Variants in MAP7D2 observed in about 807,000 individuals in gnomAD.
MAP7D2 encodes the protein MAP7 domain-containing protein 2.
In MAP7D2, 33 loss-of-function variants were observed where a neutral mutation model predicts 63.5. The ratio of observed to expected loss-of-function variants is 0.52; its 90% confidence interval spans 0.39 to 0.70. The LOEUF (loss-of-function observed/expected upper bound fraction) is 0.70. Among genes scored for constraint, MAP7D2 ranks in the 30% least tolerant of loss-of-function variants. MAP7D2 has a pLI of 0.00. For missense variants in MAP7D2, 626 were observed against 604.0 expected, an observed-to-expected ratio of 1.04 and a Z score of -0.38; for synonymous variants, 224 against 223.7, an observed-to-expected ratio of 1.00 and a Z score of -0.01.
intron 14 of MAP7D2, among the ~76,000 whole-genome samples, 180 bp downstream of exon 14, chrX:20,012,874 T>G (rs764606455): frequency 8.0e-5 from 9 of 112,337 alleles, no homozygotes; most frequent in Non-Finnish European, 1.7e-4. Flanking sequence ...AGGAACCCAG[T>G]GGGTTCCCAA....
chrX:20,042,402 G>T, intron 8 of MAP7D2, 100 bp downstream of exon 8: 1 of 994,388 alleles, frequency 1.0e-6, no homozygotes, highest in East Asian at 3.1e-5. Flanking sequence ...GGCTGGCCAC[G>T]CCTCACGGGG....
In MAP7D2 at chrX:20,042,653, C is replaced by T. The variant is rs372330876; in HGVS notation, c.880-24G>A. ...ACCTGTAGGGGACACAGGATAGCCA[C>T]AGTCCATGACTGGCACTACTTCCAC... On this transcript the variant is annotated intron_variant, in intron 7 of 16. Coordinates refer to ENST00000379643, the MANE Select transcript of MAP7D2 (RefSeq NM_001168465.2). 1.7e-5 allele frequency: 21 copies of T among 1,206,074 alleles called. No individual in the cohort carries two copies. In the African/African-American group the frequency reaches 3.0e-4, roughly 17 times the overall value.
intron 1 of MAP7D2, among the ~76,000 whole-genome samples, chrX:20,113,751 A>G (rs746891569): frequency 1.8e-5 from 2 of 111,151 alleles, no homozygotes; most frequent in East Asian, 5.6e-4. Flanking sequence ...ATGTTTTGGT[A>G]CAGGCATGCA....
At chrX:20,058,006 T>C (rs1250457005) in intron 3 of MAP7D2, among the ~76,000 whole-genome samples, 2 of 112,773 alleles carry the variant, frequency 1.8e-5, no homozygotes, top group African/African-American at 6.5e-5. Context: ...TTTCTCTGAA[T>C]AGCACTTTGC....
chrX:20,086,603 A>G (rs1056792544), intron 1 of MAP7D2, among the ~76,000 whole-genome samples: 1 of 111,425 alleles, frequency 9.0e-6, no homozygotes, highest in Non-Finnish European at 1.9e-5. Context: ...ACTTGGGGGA[A>G]AAGCCATAAG....
intron 8 of MAP7D2, among the ~76,000 whole-genome samples, chrX:20,039,556 T>A (rs770475517): frequency 3.6e-5 from 4 of 111,610 alleles, no homozygotes; most frequent in African/African-American, 1.3e-4. Flanking sequence ...TAATATTGAG[T>A]TTCAACTGGA....
At chrX:20,068,345 C>T (rs915076751) in intron 1 of MAP7D2, among the ~76,000 whole-genome samples, 10 of 112,241 alleles carry the variant, frequency 8.9e-5, no homozygotes, top group South Asian at 3.7e-4. Context: ...TCTCTCTGCA[C>T]GTCTAGCTGC....
chrX:20,041,810 A>C (rs1440678718), intron 8 of MAP7D2, among the ~76,000 whole-genome samples: 2 of 112,021 alleles, frequency 1.8e-5, no homozygotes, highest in Non-Finnish European at 3.8e-5. Context: ...TGGTGGTCAC[A>C]AAGTTATTGT....
At chrX:20,060,424 GAGAGAGAGAGAA>G (rs2065182747) in intron 3 of MAP7D2, among the ~76,000 whole-genome samples, 2 of 68,735 alleles carry the variant, frequency 2.9e-5, no homozygotes, top group Admixed American at 1.9e-4. Context: ...AAAAGAGAGA[GAGAGAGAGAGAA>G]AGAAAGAAAG....
chrX:20,058,544 T>A (rs2065122451), intron 3 of MAP7D2, among the ~76,000 whole-genome samples: 1 of 111,496 alleles, frequency 9.0e-6, no homozygotes, highest in African/African-American at 3.3e-5. Context: ...AGGGAATGAG[T>A]GCTCACTGAA....
chrX:20,116,318 G>C (rs929397642), intron 1 of MAP7D2, among the ~76,000 whole-genome samples: 4 of 113,057 alleles, frequency 3.5e-5, no homozygotes, highest in Non-Finnish European at 7.5e-5. Context: ...TTCGCCGCGG[G>C]CTGCAGCGGC....
At chrX:20,104,807 C>T (rs2066526419) in intron 1 of MAP7D2, among the ~76,000 whole-genome samples, 1 of 112,059 alleles carries the variant, frequency 8.9e-6, no homozygotes, top group African/African-American at 3.2e-5. Context: ...TCACCCCTGA[C>T]TGGTGATCAA....
At chrX:20,095,784 TAAAAA>T (rs2066241147) in intron 1 of MAP7D2, among the ~76,000 whole-genome samples, 1 of 111,339 alleles carries the variant, frequency 9.0e-6, no homozygotes, top group Non-Finnish European at 1.9e-5. Flanking sequence ...TATTTGGCCT[TAAAAA>T]GAAAAGAAGT....
intron 6 of MAP7D2, among the ~76,000 whole-genome samples, chrX:20,047,309 C>G (rs140706734): frequency 8.9e-6 from 1 of 112,274 alleles, no homozygotes; most frequent in African/African-American, 3.2e-5. Flanking sequence ...ATCTTCAACT[C>G]TTTTTTTCCA....
chrX:20,013,794 A>T (rs1340144241), intron 12 of MAP7D2, among the ~76,000 whole-genome samples, 169 bp from the exon 13 acceptor site: 3 of 112,912 alleles, frequency 2.7e-5, no homozygotes, highest in African/African-American at 9.7e-5. Flanking sequence ...TTGGAGATGT[A>T]CACCTCCGGC....
At chrX:20,042,952 A>G (rs73445256) in intron 7 of MAP7D2, among the ~76,000 whole-genome samples, 1,253 of 112,258 alleles carry the variant, frequency 0.011, 16 homozygotes, top group African/African-American at 0.038. Context: ...CTACAAAAAA[A>G]TTACAGGTGG....
At chrX:20,112,109 G>A (rs932748196) in intron 1 of MAP7D2, among the ~76,000 whole-genome samples, 1 of 111,998 alleles carries the variant, frequency 8.9e-6, no homozygotes, top group African/African-American at 3.2e-5. Flanking sequence ...GGGTGGGACG[G>A]ATGAAGCGGG....
At chrX:20,111,140 G>A (rs2066731163) in intron 1 of MAP7D2, among the ~76,000 whole-genome samples, 1 of 111,536 alleles carries the variant, frequency 9.0e-6, no homozygotes, top group Admixed American at 9.6e-5. Context: ...GCCCAACTGA[G>A]CTCCCAGCAG....
chrX:20,114,255 A>G (rs747168930), intron 1 of MAP7D2, among the ~76,000 whole-genome samples: 8 of 111,599 alleles, frequency 7.2e-5, no homozygotes, highest in African/African-American at 2.0e-4. Flanking sequence ...CTGGTCTCAA[A>G]CTCCTGACCT....
Sources: gnomAD v4.1 joint callset for allele counts (sites outside exome capture counted in the v4.1 genomes callset) on GRCh38, gnomAD v4.1.1 for gene constraint, MANE v1.5 for transcripts, NCBI Gene and HGNC (gene_info 2026-07-23, HGNC 2026-07-21) for gene names.